The following PPIG variants were observed in gnomAD, a reference collection of about 807,000 sequenced individuals.
PPIG encodes peptidylprolyl isomerase G.
Under a neutral mutation model 87.9 loss-of-function variants are expected in PPIG, and 26 were observed. That is an observed-to-expected ratio of 0.30 (90% CI 0.22 to 0.41). The LOEUF is 0.41. Among genes scored for constraint, PPIG ranks in the 10% least tolerant of loss-of-function variants. The pLI, the probability that PPIG is intolerant of heterozygous loss-of-function variation, is 1.00. For synonymous variants in PPIG, 308 were observed against 276.5 expected (o/e 1.11, Z -1.13); for missense variants, 722 against 879.4 (o/e 0.82, Z 2.26).
At chr2:169,613,318 A>G (rs1168124195) in intron 7 of PPIG, among the ~76,000 whole-genome samples, 1 of 152,248 alleles carries the variant, frequency 6.6e-6, no homozygotes, top group East Asian at 1.9e-4. Context: ...CTAAAAATTC[A>G]GCTATATGTT....
At chr2:169,596,015 G>T (rs1047136401) in intron 1 of PPIG, among the ~76,000 whole-genome samples, 1 of 152,052 alleles carries the variant, frequency 6.6e-6, no homozygotes, top group Non-Finnish European at 1.5e-5. Context: ...TGTTGGTCAG[G>T]CTGGTCTTGA....
chr2:169,590,443 A>G (rs1417884457), intron 1 of PPIG, among the ~76,000 whole-genome samples: 2 of 152,172 alleles, frequency 1.3e-5, no homozygotes, highest in Non-Finnish European at 2.9e-5. Context: ...GATCGAGACC[A>G]TCCTAGCTAA....
intron 1 of PPIG, among the ~76,000 whole-genome samples, chr2:169,588,775 A>G (rs941453857): frequency 6.6e-6 from 1 of 152,054 alleles, no homozygotes; most frequent in Admixed American, 6.6e-5. Flanking sequence ...AGCCTGAGGA[A>G]CATGAAGAAA....
chr2:169,613,432 T>TA (rs1314616240), intron 7 of PPIG, among the ~76,000 whole-genome samples: 2 of 152,252 alleles, frequency 1.3e-5, no homozygotes, highest in South Asian at 4.1e-4. Flanking sequence ...TTTTTAAAAA[T>TA]AAAAAATCTT....
At chr2:169,593,898 G>A (rs1684942122) in intron 1 of PPIG, among the ~76,000 whole-genome samples, 1 of 148,680 alleles carries the variant, frequency 6.7e-6, no homozygotes, top group Admixed American at 6.8e-5. Context: ...CTTGTGATCT[G>A]CCTGCCTCGG....
chr2:169,584,548 C>T (rs1052148255), intron 1 of PPIG, 58 bp downstream of exon 1: 1 of 467,220 alleles, frequency 2.1e-6, no homozygotes, highest in African/African-American at 2.0e-5. Flanking sequence ...TCCCTGCGTA[C>T]GAAAGCGGGA....
At chr2:169,617,596 G>T (rs1443715406) in intron 9 of PPIG, among the ~76,000 whole-genome samples, 1 of 152,076 alleles carries the variant, frequency 6.6e-6, no homozygotes, top group Admixed American at 6.6e-5. Flanking sequence ...TGTGTTCCTA[G>T]GTTTTTTATT....
At chr2:169,612,594 G>A (rs753042699) in intron 7 of PPIG, among the ~76,000 whole-genome samples, 3 of 152,026 alleles carry the variant, frequency 2.0e-5, no homozygotes, top group African/African-American at 7.2e-5. Context: ...GTGTTAGCCA[G>A]GATGGTCTCG....
Position 169,633,255 on chromosome 2 carries a change from ATTCT to A in PPIG, c.1017+12_1017+15del. ...AAAGGAAGAGGACCAAGGGTAGGTG[ATTCT>A]TTCCCCAGAGATCTTCACAATATTG... On this transcript the variant is annotated intron_variant, in intron 12 of 13. Transcript: ENST00000260970. The A allele has an allele frequency of 6.4e-7, 1 of 1,555,180 alleles. No homozygotes were observed. The highest frequency in any genetic ancestry group is 8.9e-7 in the Non-Finnish European group (1 of 1,127,896).
chr2:169,599,628 T>C (rs1685118872), intron 1 of PPIG, among the ~76,000 whole-genome samples: 1 of 151,422 alleles, frequency 6.6e-6, no homozygotes, highest in Non-Finnish European at 1.5e-5. Flanking sequence ...GCCTTTTATG[T>C]TTTTTTTTGT....
chr2:169,619,507 G>A lies in PPIG; in HGVS notation c.547+4783G>A, dbSNP rs188832424. 9.2e-5 allele frequency among the ~76,000 whole-genome samples: 14 copies of A among 152,256 alleles called. No individual in the cohort carries two copies. In the East Asian group the frequency reaches 2.7e-3, roughly 29 times the overall value. ...CCATTATTATTGTGTGGGAGTCTAA[G>A]TCTCTTTGTAGGTCTCTAAGAACTT... On this transcript the variant is annotated intron_variant, in intron 9 of 13. Transcript: ENST00000260970.
rs112916169 is a variant in PPIG, at chr2:169,637,231, C to T, written c.1973C>T (p.Ser658Phe). 2.4e-4 allele frequency: 383 copies of T among 1,613,260 alleles called. No homozygotes were observed. Among genetic ancestry groups the T allele is most frequent in the Middle Eastern group, 5.0e-4 (3 of 6,048 alleles). Residue 658 changes from serine to phenylalanine, a missense_variant, in exon 14 of 14, where the codon TCT becomes TTT. Around this residue, in one of 4 missense-constraint regions of PPIG, gnomAD observed 476 missense variants for 483.1 expected, o/e 0.99. Coordinates refer to ENST00000260970, the MANE Select transcript of PPIG (RefSeq NM_004792.3). ...ESKSSHRKENSESEKRMYSKS... is the reference protein window; with the variant it reads ...ESKSSHRKENFESEKRMYSKS... ...AAGAGCTCACACAGAAAAGAAAATT[C>T]TGAGAGTGAGAAAAGAATGTACTCT... is the stretch of plus-strand genomic sequence containing the variant.
At chr2:169,606,236 C>T in intron 5 of PPIG, 90 bp downstream of exon 5, 1 of 890,070 alleles carries the variant, frequency 1.1e-6, no homozygotes, top group South Asian at 1.4e-5. Flanking sequence ...GTCCAATATT[C>T]TTGTCACTCT....
Position 169,614,332 on chromosome 2 carries a change from A to G in PPIG, c.378-132A>G, listed in dbSNP as rs1685560761. The G allele has an allele frequency of 1.5e-5, 12 of 797,298 alleles. No individual in the cohort carries two copies. The Admixed American group carries it at 2.1e-4, about 14-fold the overall frequency. The allele number at this position is 797,298 out of a possible 1,614,324, so 49.4% of individuals were successfully genotyped here. On this transcript the variant is annotated intron_variant, in intron 7 of 13. Transcript: ENST00000260970. The stretch of plus-strand genomic sequence containing the variant: ...CTTAAGATTGAGGTAATATGATTAT[A>G]TTAAGATAGCAGTTGATGTCTTTGT...
intron 1 of PPIG, among the ~76,000 whole-genome samples, chr2:169,601,682 C>T (rs1372708803): frequency 6.6e-6 from 1 of 151,872 alleles, no homozygotes; most frequent in Non-Finnish European, 1.5e-5. Flanking sequence ...AAGCAGGATA[C>T]CAATGTAGCT....
In PPIG at chr2:169,636,656, G is replaced by T; in HGVS notation, c.1398G>T (p.Glu466Asp). ...CTAAAAGTAGGAGTAAGAGCAAAGA[G>T]AAATCAAAGAGTAAAGAAAGAGATT... is the stretch of plus-strand genomic sequence containing the variant. ...AKSKSRSKSKEKSKSKERDSK... is the reference protein window; with the variant it reads ...AKSKSRSKSKDKSKSKERDSK... The change falls in exon 14 of 14, where the codon GAG (glutamate) becomes GAT (aspartate). Residue 466 changes from glutamate (E) to aspartate (D), a missense_variant. Physicochemically the swap from Glu to Asp is conservative, Grantham distance 45. This residue lies in a region of PPIG where 476 missense variants were observed against 483.1 expected (regional missense o/e 0.99). Transcript: ENST00000260970. 1 of 1,600,996 alleles carries T rather than the reference G, an allele frequency of 6.2e-7. No homozygotes were observed. Among genetic ancestry groups the T allele is most frequent in the Non-Finnish European group, 8.5e-7 (1 of 1,176,952 alleles).
chr2:169,632,023 T>C, intron 11 of PPIG, 90 bp downstream of exon 11: 1 of 1,325,954 alleles, frequency 7.5e-7, no homozygotes, highest in Non-Finnish European at 9.8e-7. Context: ...ATTTAATTGG[T>C]GACCTTGTCC....
In PPIG at chr2:169,603,702, G is replaced by T; in HGVS notation, c.-17+8G>T. On this transcript the variant is annotated splice_region_variant and intron_variant, in intron 2 of 13. Coordinates refer to ENST00000260970, the MANE Select transcript of PPIG (RefSeq NM_004792.3). Reference sequence around the variant, plus strand: ...TCTTTTCTTCATTTGAAGGTAATCTGCTTATTGAGTTCACTAATCATACAG... The same window carrying T: ...TCTTTTCTTCATTTGAAGGTAATCTTCTTATTGAGTTCACTAATCATACAG... 1 of 199,738 alleles carries T rather than the reference G, an allele frequency of 5.0e-6. No individual in the cohort carries two copies. Among genetic ancestry groups the T allele is most frequent in the Non-Finnish European group, 1.0e-5 (1 of 99,004 alleles). 12.4% of individuals were successfully genotyped at this position (199,738 alleles called of 1,614,324 possible). A position where few individuals can be genotyped will look rare whatever the true frequency, so the allele number is the denominator to read the frequency against.
At chr2:169,612,508 C>G (rs1188367366) in intron 7 of PPIG, among the ~76,000 whole-genome samples, 1 of 151,794 alleles carries the variant, frequency 6.6e-6, no homozygotes, top group Admixed American at 6.6e-5. Flanking sequence ...CTCAGCCTCC[C>G]CAGTAGCTGG....
Sources: gnomAD v4.1 joint callset for allele counts (sites outside exome capture counted in the v4.1 genomes callset) on GRCh38, gnomAD v4.1.1 for gene constraint, gnomAD v4.1.1 regional missense constraint, MANE v1.5 for transcripts, NCBI Gene and HGNC (gene_info 2026-07-23, HGNC 2026-07-21) for gene names.